The following DCC variants were observed in gnomAD, a reference collection of about 807,000 sequenced individuals.
DCC encodes the protein netrin receptor DCC.
In DCC, 58 loss-of-function variants were observed where a neutral mutation model predicts 172.5. The ratio of observed to expected loss-of-function variants is 0.34; its 90% CI spans 0.27 to 0.42. DCC has a LOEUF of 0.42. Among genes scored for constraint, DCC ranks in the 10% least tolerant of loss-of-function variants. The pLI, the probability that DCC is intolerant of heterozygous loss-of-function variation, is 1.00. For synonymous variants in DCC, 709 were observed against 644.5 expected (o/e 1.10, Z -1.52); for missense variants, 1,740 against 1,791.0 (o/e 0.97, Z 0.51).
At chr18:53,189,049 A>T (rs913147507) in intron 9 of DCC, among the ~76,000 whole-genome samples, 2 of 152,082 alleles carry the variant, frequency 1.3e-5, no homozygotes, top group Admixed American at 6.6e-5. Flanking sequence ...ATTCAACCCG[A>T]TATACTGCCC....
chr18:52,930,122 T>C (rs1368353417), intron 5 of DCC, among the ~76,000 whole-genome samples: 1 of 152,056 alleles, frequency 6.6e-6, no homozygotes, highest in African/African-American at 2.4e-5. Flanking sequence ...CTTTTCTTTT[T>C]CTTTTCTTTT....
intron 1 of DCC, among the ~76,000 whole-genome samples, chr18:52,647,708 G>A (rs2035045395): frequency 6.6e-6 from 1 of 152,200 alleles, no homozygotes; most frequent in African/African-American, 2.4e-5. Flanking sequence ...TTCAGGTGTT[G>A]TCAGTTCAGG....
At chr18:53,038,990 G>T (rs1440995624) in intron 5 of DCC, among the ~76,000 whole-genome samples, 1 of 151,926 alleles carries the variant, frequency 6.6e-6, no homozygotes, top group African/African-American at 2.4e-5. Flanking sequence ...CACCTAATCA[G>T]CTGTCACATC....
Position 53,428,123 on chromosome 18 carries a change from TATATA to T in DCC, c.3164-7007_3164-7003del, listed in dbSNP as rs376570648. Among the ~76,000 whole-genome samples the T allele has an allele frequency of 2.7e-3, 56 of 20,906 alleles. 3 individuals carry two copies. Among genetic ancestry groups the T allele is most frequent in the Middle Eastern group, 0.056 (1 of 18 alleles). The allele number at this position is 20,906 out of a possible 152,430, so 13.7% of individuals were successfully genotyped here. ...TATAATATAATATAATAATATATAA[TATATA>T]ATATAATATAATAATATATAATATA... On this transcript the variant is annotated intron_variant, in intron 21 of 28. Coordinates refer to ENST00000442544, the MANE Select transcript of DCC (RefSeq NM_005215.4).
chr18:53,307,505 C>G (rs923984024), intron 13 of DCC, among the ~76,000 whole-genome samples: 3 of 152,008 alleles, frequency 2.0e-5, no homozygotes, highest in African/African-American at 4.8e-5. Context: ...TTAATCCAAG[C>G]TCTTCCAGAC....
Position 53,416,154 on chromosome 18 carries a change from A to C in DCC, c.3161A>C (p.Gln1054Pro). The part of the protein sequence containing the change: ...VEHPDKMAND[Q>P]GRHGDGGYWP... ...CACCCTGACAAAATGGCTAATGACC[A>C]AGGTATGGTGGCTCAATCTGTCATT... is the stretch of plus-strand genomic sequence containing the variant. Residue 1054 changes from glutamine to proline, a missense_variant and splice_region_variant, in exon 21 of 29, where the codon CAA becomes CCA. Gln to Pro is a moderately conservative substitution (Grantham distance 76). This residue lies in a region of DCC where 1,732 missense variants were observed against 1,767.4 expected (regional missense o/e 0.98). Transcript: ENST00000442544. 6.2e-7 allele frequency: 1 copy of C among 1,606,674 alleles called. No individual in the cohort carries two copies. The highest frequency in any genetic ancestry group is 8.5e-7 in the Non-Finnish European group (1 of 1,173,276).
chr18:53,145,280 ATTGT>A (rs1218831024), intron 7 of DCC, among the ~76,000 whole-genome samples: 2 of 151,722 alleles, frequency 1.3e-5, no homozygotes, highest in African/African-American at 4.8e-5. Flanking sequence ...CGCCCCGCTA[ATTGT>A]TTGTATTTTT....
chr18:52,457,246 A>T (rs1266685545), intron 1 of DCC, among the ~76,000 whole-genome samples: 1 of 152,210 alleles, frequency 6.6e-6, no homozygotes, highest in Non-Finnish European at 1.5e-5. Flanking sequence ...AAATAGAGAA[A>T]TCACAAACGA....
chr18:53,117,855 AT>A (rs1359111544), intron 7 of DCC, among the ~76,000 whole-genome samples: 1 of 151,722 alleles, frequency 6.6e-6, no homozygotes, highest in Non-Finnish European at 1.5e-5. Flanking sequence ...TGAAATTTGA[AT>A]TTCACATTCT....
chr18:53,340,065 C>CACACACACACAT (rs1475234835), intron 15 of DCC, among the ~76,000 whole-genome samples, 158 bp downstream of exon 15: 96 of 125,852 alleles, frequency 7.6e-4, no homozygotes, highest in African/African-American at 2.4e-3. Context: ...CACACACACA[C>CACACACACACAT]ACACACACAC....
chr18:53,436,981 T>A (rs756743123), intron 22 of DCC, among the ~76,000 whole-genome samples: 1 of 152,138 alleles, frequency 6.6e-6, no homozygotes, highest in African/African-American at 2.4e-5. Flanking sequence ...ATAAGGGCAC[T>A]AATCCCGTTT....
At chr18:53,018,244 G>A (rs530292671) in intron 5 of DCC, among the ~76,000 whole-genome samples, 76 of 152,122 alleles carry the variant, frequency 5.0e-4, no homozygotes, top group Non-Finnish European at 9.7e-4. Flanking sequence ...ACCAACTCCT[G>A]TATATAAAAC....
At chr18:52,717,983 C>T (rs1236864063) in intron 1 of DCC, among the ~76,000 whole-genome samples, 10 of 152,144 alleles carry the variant, frequency 6.6e-5, no homozygotes, top group South Asian at 4.1e-4. Flanking sequence ...GAAACCAAAA[C>T]CTCAGCACAG....
chr18:53,535,876 TAATA>T lies in DCC; in HGVS notation c.*5230_*5233del, dbSNP rs974869584. 2 of 152,212 alleles carry T rather than the reference TAATA, an allele frequency of 1.3e-5. No individual in the cohort carries two copies. The highest frequency in any genetic ancestry group is 2.1e-4 in the South Asian group (1 of 4,826). The allele number at this position is 152,212 out of a possible 1,614,324, so 9.4% of individuals were successfully genotyped here. A position where few individuals can be genotyped will look rare whatever the true frequency, so the allele number is the denominator to read the frequency against. On this transcript the variant is annotated 3_prime_UTR_variant, in exon 29 of 29. Transcript: ENST00000442544. The stretch of plus-strand genomic sequence containing the variant: ...TTATTCCAATGGTGCATTTTTTGTT[TAATA>T]AATAAAGTTTTGATACAAAGTTCTT...
At chr18:53,083,428 C>T (rs2042834000) in intron 7 of DCC, among the ~76,000 whole-genome samples, 1 of 152,076 alleles carries the variant, frequency 6.6e-6, no homozygotes, top group Non-Finnish European at 1.5e-5. Flanking sequence ...TTGTCAGTTT[C>T]CCCTACATTT....
intron 23 of DCC, among the ~76,000 whole-genome samples, chr18:53,454,632 A>G (rs946744234): frequency 6.6e-5 from 10 of 152,216 alleles, no homozygotes; most frequent in Non-Finnish European, 1.5e-5. Flanking sequence ...TGTTAGAACC[A>G]CTGGCTGGCT....
At chr18:53,310,823 A>C (rs2057256850) in intron 13 of DCC, among the ~76,000 whole-genome samples, 1 of 152,182 alleles carries the variant, frequency 6.6e-6, no homozygotes, top group African/African-American at 2.4e-5. Context: ...AAGTTCTAAA[A>C]ATTAGAAATA....
chr18:52,544,027 A>G (rs1027218262), intron 1 of DCC, among the ~76,000 whole-genome samples: 1 of 152,212 alleles, frequency 6.6e-6, no homozygotes, highest in Non-Finnish European at 1.5e-5. Context: ...AAATCTGTGG[A>G]CCTGTGATTA....
At chr18:52,981,343 A>G (rs1178603670) in intron 5 of DCC, among the ~76,000 whole-genome samples, 1 of 152,094 alleles carries the variant, frequency 6.6e-6, no homozygotes, top group Non-Finnish European at 1.5e-5. Flanking sequence ...TCTTTTTCAT[A>G]CATGTGTTAA....
Sources: gnomAD v4.1 joint callset for allele counts (sites outside exome capture counted in the v4.1 genomes callset) on GRCh38, gnomAD v4.1.1 for gene constraint, gnomAD v4.1.1 regional missense constraint, MANE v1.5 for transcripts, NCBI Gene and HGNC (gene_info 2026-07-23, HGNC 2026-07-21) for gene names.